The following AGPAT4 variants were observed in gnomAD, a reference collection of about 807,000 sequenced individuals.
The protein encoded by AGPAT4 is 1-acyl-sn-glycerol-3-phosphate acyltransferase delta.
Under a neutral mutation model 48.0 loss-of-function variants are expected in AGPAT4, and 15 were observed. The observed-to-expected ratio is 0.31, with a 90% CI of 0.21 to 0.48. The LOEUF is 0.48. AGPAT4 is among the 20% of genes least tolerant of loss of function. The pLI is 0.99. For missense variants in AGPAT4, 314 were observed against 482.5 expected (o/e 0.65, Z 3.27); for synonymous variants, 178 against 198.7 (o/e 0.90, Z 0.88).
rs1019146802 is a variant in AGPAT4 at position 161,139,157 on chromosome 6, A to G, written c.1042+265T>C. ...CCCAGCTGTCGGGGAGTGAAGTGGC[A>G]GCTGCATCACCACCCAACAGGGAAC... On this transcript the variant is annotated intron_variant, in intron 8 of 8. Transcript: ENST00000320285. The surrounding 1 kb of genome is among the most constrained non-coding windows in gnomAD (Gnocchi z 9.1). Among the ~76,000 whole-genome samples the G allele has an allele frequency of 2.0e-5, 3 of 152,202 alleles. No individual in the cohort carries two copies. The highest frequency in any genetic ancestry group is 7.2e-5 in the African/African-American group (3 of 41,462).
intron 1 of AGPAT4, among the ~76,000 whole-genome samples, chr6:161,268,127 G>C (rs528726158): frequency 1.3e-5 from 2 of 152,252 alleles, no homozygotes; most frequent in Admixed American, 1.3e-4. Context: ...AGCACGATGA[G>C]AGTTTTCACA....
chr6:161,196,030 G>A lies in AGPAT4; in HGVS notation c.179-29613C>T, dbSNP rs140048293. Among the ~76,000 whole-genome samples, 1 of 152,298 alleles carries A rather than the reference G, an allele frequency of 6.6e-6. No individual in the cohort carries two copies. Among genetic ancestry groups the A allele is most frequent in the Non-Finnish European group, 1.5e-5 (1 of 68,024 alleles). On this transcript the variant is annotated intron_variant, in intron 2 of 8. Coordinates refer to ENST00000320285, the MANE Select transcript of AGPAT4 (RefSeq NM_020133.3). This position sits in a 1 kb window ranked among gnomAD's most constrained non-coding sequence, Gnocchi z 4.3. ...TGCTGGATATTCTAGAGCCCCTGAA[G>A]GTGCCAGGACTTTAGGATTTGCATA...
intron 1 of AGPAT4, among the ~76,000 whole-genome samples, chr6:161,257,308 T>C (rs537375883): frequency 6.6e-6 from 1 of 152,276 alleles, no homozygotes; most frequent in East Asian, 1.9e-4. Context: ...TTATGCTAAA[T>C]GAACAGAGCC....
rs555956863 is a variant in AGPAT4, at chr6:161,143,414, G to T, written c.843+3110C>A. ...CTATTTCTTAATTTGCACTATTAAT[G>T]GCCAAGTTATAGTCCCTTCTGCAAA... On this transcript the variant is annotated intron_variant, in intron 7 of 8. Coordinates refer to ENST00000320285, the MANE Select transcript of AGPAT4 (RefSeq NM_020133.3). The surrounding 1 kb of genome is among the most constrained non-coding windows in gnomAD (Gnocchi z 4.7). 6.6e-6 allele frequency among the ~76,000 whole-genome samples: 1 copy of T among 152,274 alleles called. No individual in the cohort carries two copies. The highest frequency in any genetic ancestry group is 1.5e-5 in the Non-Finnish European group (1 of 68,032).
chr6:161,245,684 C>T lies in AGPAT4; in HGVS notation c.-89-13382G>A, dbSNP rs988977770. Among the ~76,000 whole-genome samples the T allele has an allele frequency of 1.3e-5, 2 of 152,152 alleles. No individual in the cohort carries two copies. The highest frequency in any genetic ancestry group is 4.8e-5 in the African/African-American group (2 of 41,432). Reference sequence around the variant, plus strand: ...TTTTCTCTTTGGTAGGCCCCTCCCTCTCCTACTCACTGTCCGTGAAGTGCC... The same window carrying T: ...TTTTCTCTTTGGTAGGCCCCTCCCTTTCCTACTCACTGTCCGTGAAGTGCC... On this transcript the variant is annotated intron_variant, in intron 1 of 8. Transcript: ENST00000320285. The surrounding 1 kb of genome is among the most constrained non-coding windows in gnomAD (Gnocchi z 5.2).
At chr6:161,250,700 C>A (rs1782782043) in intron 1 of AGPAT4, among the ~76,000 whole-genome samples, 1 of 151,890 alleles carries the variant, frequency 6.6e-6, no homozygotes, top group Admixed American at 6.6e-5. Flanking sequence ...GCTTGTATTG[C>A]CAAATATTGC....
chr6:161,268,257 G>A (rs1447066506), intron 1 of AGPAT4, among the ~76,000 whole-genome samples: 1 of 152,220 alleles, frequency 6.6e-6, no homozygotes, highest in Admixed American at 6.5e-5. Flanking sequence ...AAGTCAGCCA[G>A]TCACCTCAGT....
At chr6:161,265,059 T>C (rs1251973344) in intron 1 of AGPAT4, among the ~76,000 whole-genome samples, 1 of 152,132 alleles carries the variant, frequency 6.6e-6, no homozygotes, top group African/African-American at 2.4e-5. Flanking sequence ...AAATTAATAC[T>C]AGTGAGACCT....
rs753035054 is a variant in AGPAT4, at chr6:161,136,651, A to G, written c.1043-17T>C. 8.7e-6 allele frequency: 14 copies of G among 1,611,674 alleles called. No homozygotes were observed. The African/African-American group carries it at 1.9e-4, about 22-fold the overall frequency. Reference sequence around the variant, plus strand: ...CCACGGAGGCTGCAGAGACAAGGAGAGCAGAGTTAGGAGTAGCCCAAACAG... The same window carrying G: ...CCACGGAGGCTGCAGAGACAAGGAGGGCAGAGTTAGGAGTAGCCCAAACAG... On this transcript the variant is annotated splice_polypyrimidine_tract_variant and intron_variant, in intron 8 of 8. Transcript: ENST00000320285.
At chr6:161,265,206 C>G (rs1783217233) in intron 1 of AGPAT4, among the ~76,000 whole-genome samples, 1 of 59,360 alleles carries the variant, frequency 1.7e-5, no homozygotes, top group Non-Finnish European at 3.2e-5. Context: ...GGATTAGTAC[C>G]CACCGCTGGA....
chr6:161,137,940 G>C lies in AGPAT4; in HGVS notation c.1043-1306C>G, dbSNP rs1273222671. On this transcript the variant is annotated intron_variant, in intron 8 of 8. Coordinates refer to ENST00000320285, the MANE Select transcript of AGPAT4 (RefSeq NM_020133.3). The surrounding 1 kb of genome is among the most constrained non-coding windows in gnomAD (Gnocchi z 6.1). ...ACACTGCACCCTGGGCAGTGCTCAG[G>C]CTTCTTTTTTTGGTACTCGCTACAC... is the stretch of plus-strand genomic sequence containing the variant. Among the ~76,000 whole-genome samples the C allele has an allele frequency of 6.6e-6, 1 of 152,236 alleles. No homozygotes were observed. The highest frequency in any genetic ancestry group is 1.5e-5 in the Non-Finnish European group (1 of 68,042).
In AGPAT4 at chr6:161,229,620, T is replaced by A. The variant is rs1782072637; in HGVS notation, c.178+2416A>T. ...AGAAACGGAGAATCCTGGCGAGGAT[T>A]CTCTCAAACCTGGGGATAGTTTGCA... On this transcript the variant is annotated intron_variant, in intron 2 of 8. Transcript: ENST00000320285. The surrounding 1 kb of genome is among the most constrained non-coding windows in gnomAD (Gnocchi z 6.0). Among the ~76,000 whole-genome samples, 1 of 152,068 alleles carries A rather than the reference T, an allele frequency of 6.6e-6. No individual in the cohort carries two copies. Among genetic ancestry groups the A allele is most frequent in the South Asian group, 2.1e-4 (1 of 4,818 alleles).
chr6:161,151,600 T>C (rs1293535321), intron 5 of AGPAT4, among the ~76,000 whole-genome samples: 6 of 152,256 alleles, frequency 3.9e-5, no homozygotes, highest in East Asian at 3.8e-4. Flanking sequence ...GTTTATCATG[T>C]ACCAGGTGGG....
rs1456388157 is a variant in AGPAT4, at chr6:161,161,542, C to T, written c.348+4706G>A. The T allele has an allele frequency of 1.1e-5, 5 of 455,204 alleles. No individual in the cohort carries two copies. Among genetic ancestry groups the T allele is most frequent in the South Asian group, 7.8e-5 (5 of 64,410 alleles). 28.2% of individuals were successfully genotyped at this position (455,204 alleles called of 1,614,324 possible). A position where few individuals can be genotyped will look rare whatever the true frequency, so the allele number is the denominator to read the frequency against. The stretch of plus-strand genomic sequence containing the variant: ...GGCAGCACTGGGTATCTGCCATAGG[C>T]TCAGGTGATGCCAGCAGTGAGCAGG... On this transcript the variant is annotated intron_variant, in intron 3 of 8. Transcript: ENST00000320285. The surrounding 1 kb of genome is among the most constrained non-coding windows in gnomAD (Gnocchi z 4.6).
In AGPAT4 at chr6:161,204,752, G is replaced by A. The variant is rs1408218801; in HGVS notation, c.178+27284C>T. ...GCCAAGCAGAGAGGATACAGACCAC[G>A]GTGGGGCTGATCAAAGAGGCAGGAG... On this transcript the variant is annotated intron_variant, in intron 2 of 8. Coordinates refer to ENST00000320285, the MANE Select transcript of AGPAT4 (RefSeq NM_020133.3). This position sits in a 1 kb window ranked among gnomAD's most constrained non-coding sequence, Gnocchi z 4.4. 6.6e-6 allele frequency among the ~76,000 whole-genome samples: 1 copy of A among 152,040 alleles called. No individual in the cohort carries two copies. Among genetic ancestry groups the A allele is most frequent in the Non-Finnish European group, 1.5e-5 (1 of 68,028 alleles).
chr6:161,269,708 T>C (rs1783368988), intron 1 of AGPAT4, among the ~76,000 whole-genome samples: 1 of 152,194 alleles, frequency 6.6e-6, no homozygotes, highest in South Asian at 2.1e-4. Context: ...TCCTGATAGT[T>C]CTTAAGCTTC....
rs1420684824 is a variant in AGPAT4 at position 161,235,233 on chromosome 6, A to G, written c.-89-2931T>C. On this transcript the variant is annotated intron_variant, in intron 1 of 8. Coordinates refer to ENST00000320285, the MANE Select transcript of AGPAT4 (RefSeq NM_020133.3). This position sits in a 1 kb window ranked among gnomAD's most constrained non-coding sequence, Gnocchi z 6.2. ...TCAGTTTTTCTATCAGTAAAAAGGG[A>G]CAACAGATTCTAATCAAAATCCCAG... Among the ~76,000 whole-genome samples, 1 of 152,186 alleles carries G rather than the reference A, an allele frequency of 6.6e-6. No individual in the cohort carries two copies. The highest frequency in any genetic ancestry group is 2.4e-5 in the African/African-American group (1 of 41,444).
Position 161,154,013 on chromosome 6 carries a change from A to G in AGPAT4, c.510+136T>C. 16 of 1,180,508 alleles carry G rather than the reference A, an allele frequency of 1.4e-5. No homozygotes were observed. Among genetic ancestry groups the G allele is most frequent in the Non-Finnish European group, 1.8e-5 (15 of 819,984 alleles). The allele number at this position is 1,180,508 out of a possible 1,614,324, so 73.1% of individuals were successfully genotyped here. A position where few individuals can be genotyped will look rare whatever the true frequency, so the allele number is the denominator to read the frequency against. On this transcript the variant is annotated intron_variant, in intron 4 of 8. Coordinates refer to ENST00000320285, the MANE Select transcript of AGPAT4 (RefSeq NM_020133.3). This position sits in a 1 kb window ranked among gnomAD's most constrained non-coding sequence, Gnocchi z 7.8. ...GTCACATACATCCCTGAGGTTATAC[A>G]CAGCCCTATGGTCACACACAGCCCT... is the stretch of plus-strand genomic sequence containing the variant.
At position 161,131,346 on chromosome 6, in the gene AGPAT4, G is replaced by A. The variant is rs1778892732; in HGVS notation, c.*5194C>T. On this transcript the variant is annotated 3_prime_UTR_variant, in exon 9 of 9. Coordinates refer to ENST00000320285, the MANE Select transcript of AGPAT4 (RefSeq NM_020133.3). Reference sequence around the variant, plus strand: ...GAGCTGAGGAAGGAAGGCCTGGGTGGGAACCTGGATGTCCTTTCCTGGAGA... The same window carrying A: ...GAGCTGAGGAAGGAAGGCCTGGGTGAGAACCTGGATGTCCTTTCCTGGAGA... 1 of 153,680 alleles carries A rather than the reference G, an allele frequency of 6.5e-6. No homozygotes were observed. Among genetic ancestry groups the A allele is most frequent in the Admixed American group, 6.4e-5 (1 of 15,566 alleles). 9.5% of individuals were successfully genotyped at this position (153,680 alleles called of 1,614,324 possible).
Sources: gnomAD v4.1 joint callset for allele counts (sites outside exome capture counted in the v4.1 genomes callset) on GRCh38, gnomAD v4.1.1 for gene constraint, Gnocchi (gnomAD v3.1) non-coding constraint, MANE v1.5 for transcripts, NCBI Gene and HGNC (gene_info 2026-07-23, HGNC 2026-07-21) for gene names.